Variants in KIF18A observed in about 807,000 individuals in gnomAD.
KIF18A encodes the protein kinesin family member 18A, also known as kinesin-like protein KIF18A.
In KIF18A, 67 loss-of-function variants were observed where a neutral mutation model predicts 103.3. That is an observed-to-expected ratio of 0.65 (90% CI 0.53 to 0.79). The LOEUF (loss-of-function observed/expected upper bound fraction) is 0.79. Among genes scored for constraint, KIF18A ranks in the 30% least tolerant of loss-of-function variants. The probability of loss-of-function intolerance (pLI) is 0.00; values close to 1 mark genes in which losing one functional copy is unlikely to be tolerated. For missense variants in KIF18A, 1,032 were observed against 1,062.5 expected, an observed-to-expected ratio of 0.97 and a Z score of 0.40; for synonymous variants, 367 against 355.5, an observed-to-expected ratio of 1.03 and a Z score of -0.36.
chr11:28,042,257 AG>A (rs1565073632), intron 13 of KIF18A, among the ~76,000 whole-genome samples: 1 of 151,792 alleles, frequency 6.6e-6, no homozygotes, highest in Non-Finnish European at 1.5e-5. Context: ...TTCACCTCCT[AG>A]GAAGTTGTAC....
At chr11:28,051,559 C>A (rs951624459) in intron 13 of KIF18A, among the ~76,000 whole-genome samples, 5 of 151,724 alleles carry the variant, frequency 3.3e-5, no homozygotes, top group Non-Finnish European at 7.4e-5. Flanking sequence ...AATGGAAAGG[C>A]CTTTTGAGGA....
chr11:28,083,836 T>C (rs1216421277), intron 7 of KIF18A, among the ~76,000 whole-genome samples: 1 of 152,110 alleles, frequency 6.6e-6, no homozygotes, highest in Non-Finnish European at 1.5e-5. Context: ...TACACCCATA[T>C]AGTATGACCT....
At chr11:28,047,798 C>G (rs1368652773) in intron 13 of KIF18A, among the ~76,000 whole-genome samples, 1 of 151,908 alleles carries the variant, frequency 6.6e-6, no homozygotes, top group East Asian at 1.9e-4. Flanking sequence ...TCATTGCTCC[C>G]AAAATGAAAT....
At chr11:28,043,764 A>T (rs1850594583) in intron 13 of KIF18A, among the ~76,000 whole-genome samples, 1 of 152,118 alleles carries the variant, frequency 6.6e-6, no homozygotes, top group East Asian at 1.9e-4. Flanking sequence ...GTAATAGAAA[A>T]CAGAGAAGGA....
chr11:28,092,441 T>C (rs1851319100), intron 3 of KIF18A, among the ~76,000 whole-genome samples: 1 of 152,178 alleles, frequency 6.6e-6, no homozygotes, highest in African/African-American at 2.4e-5. Context: ...CATAAAGGTA[T>C]TAGCAGAGTA....
At chr11:28,053,736 A>G (rs1317198724) in intron 13 of KIF18A, among the ~76,000 whole-genome samples, 1 of 152,014 alleles carries the variant, frequency 6.6e-6, no homozygotes, top group Non-Finnish European at 1.5e-5. Flanking sequence ...ACTTTAAAAT[A>G]ATCTAGTGTA....
chr11:28,080,684 G>A (rs1164260260), intron 9 of KIF18A, among the ~76,000 whole-genome samples: 1 of 151,956 alleles, frequency 6.6e-6, no homozygotes, highest in Non-Finnish European at 1.5e-5. Flanking sequence ...CGTTGAAATC[G>A]GGCAAATTAA....
chr11:28,091,145 A>C (rs199728592), intron 4 of KIF18A, among the ~76,000 whole-genome samples: 7,103 of 101,196 alleles, frequency 0.07, 311 homozygotes, highest in African/African-American at 0.14. Context: ...TAAATAAATA[A>C]ATAAATACAT....
At chr11:28,062,648 T>C in intron 11 of KIF18A, 132 bp from the exon 12 acceptor site, 1 of 690,408 alleles carries the variant, frequency 1.4e-6, no homozygotes, top group Non-Finnish European at 2.1e-6. Flanking sequence ...TAGAAACAAT[T>C]TGAAAAATAA....
At chr11:28,041,976 A>G (rs1025418176) in intron 13 of KIF18A, among the ~76,000 whole-genome samples, 3 of 151,246 alleles carry the variant, frequency 2.0e-5, no homozygotes, top group African/African-American at 7.3e-5. Flanking sequence ...ACTCCCACTC[A>G]TCAAGCTTGG....
chr11:28,069,532 T>C (rs2133538738), intron 10 of KIF18A, 109 bp from the exon 11 acceptor site: 2 of 1,026,820 alleles, frequency 1.9e-6, no homozygotes, highest in South Asian at 3.8e-5. Flanking sequence ...TAAATTAAGT[T>C]AGGCTACATT....
chr11:28,072,772 A>C (rs1420974855), intron 10 of KIF18A, among the ~76,000 whole-genome samples: 1 of 151,854 alleles, frequency 6.6e-6, no homozygotes, highest in Non-Finnish European at 1.5e-5. Context: ...AACAGAAAAA[A>C]AAAAAACAAA....
chr11:28,046,743 A>AC (rs1321440001), intron 13 of KIF18A, among the ~76,000 whole-genome samples: 3 of 150,350 alleles, frequency 2.0e-5, no homozygotes, highest in Non-Finnish European at 4.4e-5. Context: ...TTAAATGAAA[A>AC]AAAAAAAAAG....
chr11:28,097,848 C>T lies in KIF18A; in HGVS notation c.100G>A (p.Val34Ile), dbSNP rs1351836844. 6.2e-7 allele frequency: 1 copy of T among 1,612,948 alleles called. No homozygotes were observed. The highest frequency in any genetic ancestry group is 8.5e-7 in the Non-Finnish European group (1 of 1,179,494). ...AGGATATGTTTATCCACAACATGAA[C>T]CACTTTATGAAATCCAGCTGCTTTT... The part of the protein sequence containing the change: ...KEKAAGFHKV[V>I]HVVDKHILVF... Residue 34 changes from valine (V) to isoleucine (I), a missense_variant, in exon 2 of 17, where the codon GTT becomes ATT. Coordinates refer to ENST00000263181, the MANE Select transcript of KIF18A (RefSeq NM_031217.4).
At chr11:28,086,564 T>C (rs1409426559) in intron 6 of KIF18A, among the ~76,000 whole-genome samples, 1 of 152,214 alleles carries the variant, frequency 6.6e-6, no homozygotes, top group African/African-American at 2.4e-5. Flanking sequence ...ACCTTTCATA[T>C]TGCAAAACAG....
chr11:28,084,863 G>A lies in KIF18A; in HGVS notation c.898-55C>T, dbSNP rs571968311. The A allele has an allele frequency of 9.5e-5, 133 of 1,402,400 alleles. 1 individual carries two copies. In the African/African-American group the frequency reaches 1.7e-3, roughly 18 times the overall value. The allele number at this position is 1,402,400 out of a possible 1,614,324, so 86.9% of individuals were successfully genotyped here. On this transcript the variant is annotated intron_variant, in intron 6 of 16. Transcript: ENST00000263181. Reference sequence around the variant, plus strand: ...ATTTTCCACATTTAAATGCAAACCTGCTACCACTTTAGCACTTCACTGTGG... The same window carrying A: ...ATTTTCCACATTTAAATGCAAACCTACTACCACTTTAGCACTTCACTGTGG...
intron 13 of KIF18A, among the ~76,000 whole-genome samples, chr11:28,037,347 T>C (rs1317678259): frequency 6.6e-6 from 1 of 151,462 alleles, no homozygotes; most frequent in East Asian, 1.9e-4. Context: ...AACCAGAGAC[T>C]GAAAATATTC....
chr11:28,052,647 T>C (rs1264400327), intron 13 of KIF18A, among the ~76,000 whole-genome samples: 2 of 152,132 alleles, frequency 1.3e-5, no homozygotes, highest in Non-Finnish European at 2.9e-5. Context: ...ATTTCTTTCT[T>C]ATAGCATGTA....
At chr11:28,079,311 G>A (rs373681152) in intron 9 of KIF18A, among the ~76,000 whole-genome samples, 15 of 144,446 alleles carry the variant, frequency 1.0e-4, no homozygotes, top group Admixed American at 4.3e-4. Context: ...CATGAGGACC[G>A]CTCCCACATT....
Sources: gnomAD v4.1 joint callset for allele counts (sites outside exome capture counted in the v4.1 genomes callset) on GRCh38, gnomAD v4.1.1 for gene constraint, MANE v1.5 for transcripts, NCBI Gene and HGNC (gene_info 2026-07-23, HGNC 2026-07-21) for gene names.